XRN1: variants seen among roughly 807,000 people sequenced by gnomAD.
XRN1 encodes 5'-3' exoribonuclease 1, also known as strand-exchange protein 1 homolog.
Under a neutral mutation model 222.3 loss-of-function variants are expected in XRN1, and 67 were observed. The ratio of observed to expected loss-of-function variants is 0.30; its 90% CI spans 0.25 to 0.37. XRN1 has a LOEUF of 0.37. Ranked by LOEUF, XRN1 falls within the 10% of genes least tolerant of loss-of-function variation. The pLI is 1.00. For missense variants in XRN1, 1,707 were observed against 2,000.2 expected (o/e 0.85, Z 2.80); for synonymous variants, 643 against 652.4 (o/e 0.99, Z 0.22).
At position 142,447,980 on chromosome 3, in the gene XRN1, CCGAAACCAAA is replaced by C; in HGVS notation, c.-46_-37del. The stretch of plus-strand genomic sequence containing the variant: ...AACACTAATCCCAGTCAGGGCCAAA[CCGAAACCAAA>C]CGCCCCGCCGGGGCTCCGCCGCAGC... On this transcript the variant is annotated 5_prime_UTR_variant, in exon 1 of 41. Coordinates refer to ENST00000392981, the MANE Select transcript of XRN1 (RefSeq NM_001282857.2). This position sits in a 1 kb window ranked among gnomAD's most constrained non-coding sequence, Gnocchi z 4.2. 1 of 1,608,948 alleles carries C rather than the reference CCGAAACCAAA, an allele frequency of 6.2e-7. No homozygotes were observed. The highest frequency in any genetic ancestry group is 8.5e-7 in the Non-Finnish European group (1 of 1,177,310).
chr3:142,329,604 T>A lies in XRN1; in HGVS notation c.4234A>T (p.Asn1412Tyr). ...TACTCATTAGCACTGTGAGGCTTGT[T>A]CATATAAGATGCTACCAAAAAAGAG... ...KQNKKLASYM[N>Y]KPHSANEYHN... The change falls in exon 37 of 41, where the codon AAC (asparagine) becomes TAC (tyrosine). Residue 1412 changes from asparagine to tyrosine, a missense_variant. Transcript: ENST00000392981. 6.5e-7 allele frequency: 1 copy of A among 1,537,792 alleles called. No individual in the cohort carries two copies. The highest frequency in any genetic ancestry group is 8.7e-7 in the Non-Finnish European group (1 of 1,153,314).
intron 32 of XRN1, among the ~76,000 whole-genome samples, chr3:142,353,102 A>G (rs2066359536): frequency 6.6e-6 from 1 of 152,166 alleles, no homozygotes; most frequent in Non-Finnish European, 1.5e-5. Flanking sequence ...ATATTTGTTC[A>G]TTCATATTTA....
chr3:142,426,557 C>A (rs1451313128), intron 3 of XRN1, 187 bp downstream of exon 3: 1 of 553,472 alleles, frequency 1.8e-6, no homozygotes, highest in Non-Finnish European at 3.2e-6. Context: ...AAAATCCCTA[C>A]AGTTTTTGTA....
At chr3:142,404,033 C>T (rs1384633313) in intron 16 of XRN1, 44 bp from the exon 17 acceptor site, 5 of 1,451,092 alleles carry the variant, frequency 3.4e-6, no homozygotes, top group African/African-American at 1.4e-5. Flanking sequence ...TAATACATTA[C>T]AAACAATTAC....
At position 142,311,410 on chromosome 3, in the gene XRN1, T is replaced by G; in HGVS notation, c.*101A>C. 8.7e-7 allele frequency: 1 copy of G among 1,143,444 alleles called. No homozygotes were observed. Among genetic ancestry groups the G allele is most frequent in the Non-Finnish European group, 1.2e-6 (1 of 840,482 alleles). The allele number at this position is 1,143,444 out of a possible 1,614,324, so 70.8% of individuals were successfully genotyped here. ...GAAAAAAATTTCAATTTACACATAT[T>G]ATTTTAAAATAGTACATTCTAATTT... On this transcript the variant is annotated 3_prime_UTR_variant, in exon 41 of 41. Coordinates refer to ENST00000392981, the MANE Select transcript of XRN1 (RefSeq NM_001282857.2).
intron 33 of XRN1, among the ~76,000 whole-genome samples, chr3:142,341,277 C>A (rs1256498450): frequency 1.3e-5 from 2 of 151,668 alleles, no homozygotes. Context: ...AACTTCAAAT[C>A]AAAAAACATA....
chr3:142,361,527 A>T (rs2066629914), intron 29 of XRN1, among the ~76,000 whole-genome samples: 1 of 152,202 alleles, frequency 6.6e-6, no homozygotes, highest in Non-Finnish European at 1.5e-5. Flanking sequence ...ACTACTTTCC[A>T]AAGTGGTTTT....
At chr3:142,356,016 T>C (rs1263445188) in intron 31 of XRN1, among the ~76,000 whole-genome samples, 1 of 152,200 alleles carries the variant, frequency 6.6e-6, no homozygotes, top group Non-Finnish European at 1.5e-5. Flanking sequence ...ACTGGTGTTC[T>C]TTATATGCAA....
chr3:142,333,238 G>GT, intron 34 of XRN1, 149 bp from the exon 35 acceptor site: 1 of 931,610 alleles, frequency 1.1e-6, no homozygotes, highest in East Asian at 2.9e-5. Flanking sequence ...GGAATAAATA[G>GT]TTTTTTACCT....
rs1308183330 is a variant in XRN1 at position 142,447,453 on chromosome 3, G to T, written c.75+417C>A. On this transcript the variant is annotated intron_variant, in intron 1 of 40. Transcript: ENST00000392981. This position sits in a 1 kb window ranked among gnomAD's most constrained non-coding sequence, Gnocchi z 4.2. ...ACTGCGTGCGGAAGCGGCTGTTATC[G>T]TCTGTAAGTGGGTCTGCCGCTCTGG... Among the ~76,000 whole-genome samples the T allele has an allele frequency of 6.6e-6, 1 of 152,190 alleles. No homozygotes were observed. Among genetic ancestry groups the T allele is most frequent in the African/African-American group, 2.4e-5 (1 of 41,448 alleles).
chr3:142,324,785 A>C (rs931669881), intron 37 of XRN1, among the ~76,000 whole-genome samples: 1 of 152,062 alleles, frequency 6.6e-6, no homozygotes, highest in Non-Finnish European at 1.5e-5. Flanking sequence ...AATGATCACC[A>C]TTCTAACTGG....
chr3:142,401,560 A>C (rs977291275), intron 18 of XRN1, among the ~76,000 whole-genome samples: 3 of 151,160 alleles, frequency 2.0e-5, no homozygotes, highest in Non-Finnish European at 4.4e-5. Context: ...TAAAAATACA[A>C]AAAAAAAATT....
At chr3:142,359,037 A>G (rs935983146) in intron 30 of XRN1, among the ~76,000 whole-genome samples, 1 of 152,180 alleles carries the variant, frequency 6.6e-6, no homozygotes, top group Non-Finnish European at 1.5e-5. Context: ...AGATGAGGAA[A>G]TTGAGGGTCA....
chr3:142,355,068 T>A (rs1368636352), intron 32 of XRN1, among the ~76,000 whole-genome samples: 2 of 140,940 alleles, frequency 1.4e-5, no homozygotes, highest in East Asian at 4.4e-4. Context: ...ACACTGGGGG[T>A]TACTACAGAT....
In XRN1 at chr3:142,369,141, G is replaced by A. The variant is rs9826327; in HGVS notation, c.3204+1344C>T. The stretch of plus-strand genomic sequence containing the variant: ...GTTCGAACAAGAGAATGCTGTGTTG[G>A]CAAAGCAACAGCATTTTAATACAAA... On this transcript the variant is annotated intron_variant, in intron 27 of 40. Coordinates refer to ENST00000392981, the MANE Select transcript of XRN1 (RefSeq NM_001282857.2). Among the ~76,000 whole-genome samples the A allele has an allele frequency of 6.1e-3, 927 of 152,236 alleles. 8 individuals carry two copies. Among genetic ancestry groups the A allele is most frequent in the African/African-American group, 0.021 (856 of 41,530 alleles).
Position 142,308,667 on chromosome 3 carries a change from A to C in XRN1, c.*2844T>G, listed in dbSNP as rs1055434140. 3.3e-5 allele frequency: 5 copies of C among 152,240 alleles called. No homozygotes were observed. Among genetic ancestry groups the C allele is most frequent in the Admixed American group, 6.5e-5 (1 of 15,280 alleles). 9.4% of individuals were successfully genotyped at this position (152,240 alleles called of 1,614,324 possible). On this transcript the variant is annotated 3_prime_UTR_variant, in exon 41 of 41. Transcript: ENST00000392981. The stretch of plus-strand genomic sequence containing the variant: ...TGTGAAAAGGAACGAGACTGGAAGG[A>C]GCAATCTTCAAAATTCACTTAAGTT...
chr3:142,364,409 A>G (rs2066753163), intron 29 of XRN1, among the ~76,000 whole-genome samples: 1 of 151,080 alleles, frequency 6.6e-6, no homozygotes, highest in Non-Finnish European at 1.5e-5. Flanking sequence ...TCAGATATTT[A>G]GCTGCTGCTT....
In XRN1 at chr3:142,412,632, A is replaced by G. The variant is rs547036889; in HGVS notation, c.1625T>C (p.Ile542Thr). ...TTTAAAATCAGGTGGGTAATATTCT[A>G]TAATTGGTGAGTCTTCATTGGTCAT... Reference protein sequence around the residue: ...HLMTNEDSPIIEYYPPDFKTD... With the variant: ...HLMTNEDSPITEYYPPDFKTD... Residue 542 changes from isoleucine to threonine, a missense_variant, in exon 15 of 41, where the codon ATA becomes ACA. Ile to Thr is a moderately conservative substitution (Grantham distance 89, BLOSUM62 -1). Coordinates refer to ENST00000392981, the MANE Select transcript of XRN1 (RefSeq NM_001282857.2). 1.2e-5 allele frequency: 20 copies of G among 1,603,250 alleles called. No homozygotes were observed. In the South Asian group the frequency reaches 2.1e-4, roughly 17 times the overall value.
rs993834485 is a variant in XRN1 at position 142,379,695 on chromosome 3, A to G, written c.2715+387T>C. ...TGAGACTGTTCATTCTTAGCTGAAG[A>G]GATACATACAGCCTTTGCAGAAAGG... is the stretch of plus-strand genomic sequence containing the variant. On this transcript the variant is annotated intron_variant, in intron 23 of 40. Transcript: ENST00000392981. 6.6e-5 allele frequency among the ~76,000 whole-genome samples: 10 copies of G among 152,340 alleles called. No homozygotes were observed. The East Asian group carries it at 1.5e-3, about 23-fold the overall frequency.
Sources: gnomAD v4.1 joint callset for allele counts (sites outside exome capture counted in the v4.1 genomes callset) on GRCh38, gnomAD v4.1.1 for gene constraint, Gnocchi (gnomAD v3.1) non-coding constraint, MANE v1.5 for transcripts, NCBI Gene and HGNC (gene_info 2026-07-23, HGNC 2026-07-21) for gene names.